Variants in BNIP3L observed in about 807,000 individuals in gnomAD.
BNIP3L encodes BCL2 interacting protein 3 like.
In BNIP3L, 10 loss-of-function variants were observed where a neutral mutation model predicts 25.5. The observed-to-expected ratio is 0.39, with a 90% CI of 0.24 to 0.67. BNIP3L has a LOEUF of 0.67. Ranked by LOEUF, BNIP3L falls within the 30% of genes least tolerant of loss-of-function variation. The pLI, the probability that BNIP3L is intolerant of heterozygous loss-of-function variation, is 0.45. For synonymous variants in BNIP3L, 113 were observed against 101.2 expected (o/e 1.12, Z -0.70); for missense variants, 215 against 270.9 (o/e 0.79, Z 1.45).
intron 3 of BNIP3L, among the ~76,000 whole-genome samples, chr8:26,399,898 C>T (rs1363724750): frequency 7.1e-6 from 1 of 140,854 alleles, no homozygotes; most frequent in Non-Finnish European, 1.5e-5. Flanking sequence ...CAAACCACTG[C>T]TCAAGGAAAT....
intron 1 of BNIP3L, among the ~76,000 whole-genome samples, chr8:26,385,474 G>A (rs558834632): frequency 5.1e-4 from 78 of 152,018 alleles, no homozygotes; most frequent in Non-Finnish European, 9.4e-4. Flanking sequence ...TTGGTGTTGG[G>A]CGCCTGTAAT....
chr8:26,392,104 G>A (rs938023846), intron 2 of BNIP3L, among the ~76,000 whole-genome samples: 7 of 151,094 alleles, frequency 4.6e-5, no homozygotes, highest in Non-Finnish European at 1.0e-4. Flanking sequence ...TGGTGAAAGA[G>A]TAAGAATACA....
At chr8:26,396,459 C>T (rs1459377532) in intron 3 of BNIP3L, among the ~76,000 whole-genome samples, 66 of 111,198 alleles carry the variant, frequency 5.9e-4, no homozygotes, top group Non-Finnish European at 1.1e-3. Context: ...ACATCCACAC[C>T]GAAAACCCAT....
chr8:26,394,913 C>T (rs1200887336), intron 2 of BNIP3L, among the ~76,000 whole-genome samples: 2 of 152,096 alleles, frequency 1.3e-5, no homozygotes, highest in Non-Finnish European at 2.9e-5. Flanking sequence ...ATTATTTTAC[C>T]TTTAGTGGAC....
chr8:26,387,743 A>G (rs1007321660), intron 1 of BNIP3L, among the ~76,000 whole-genome samples: 44 of 152,080 alleles, frequency 2.9e-4, no homozygotes, highest in African/African-American at 1.1e-3. Flanking sequence ...AAAGAGAATT[A>G]CCCTTAATTA....
chr8:26,397,915 G>A (rs1371480412), intron 3 of BNIP3L, among the ~76,000 whole-genome samples: 6 of 31,566 alleles, frequency 1.9e-4, no homozygotes, highest in African/African-American at 4.0e-4. Flanking sequence ...TTCAACAAGA[G>A]GAGCTAACTA....
chr8:26,392,436 ATTAC>A, intron 2 of BNIP3L, among the ~76,000 whole-genome samples: 1 of 152,254 alleles, frequency 6.6e-6, no homozygotes, highest in East Asian at 1.9e-4. Flanking sequence ...TGCACATATT[ATTAC>A]TTATCAGAAG....
chr8:26,401,960 G>A (rs1480060406), intron 3 of BNIP3L, among the ~76,000 whole-genome samples: 1 of 152,102 alleles, frequency 6.6e-6, no homozygotes, highest in Non-Finnish European at 1.5e-5. Context: ...CTTGAGGACG[G>A]GAACCATTAT....
chr8:26,383,552 T>TG (rs1237300077), intron 1 of BNIP3L: 2 of 5,296 alleles, frequency 3.8e-4, no homozygotes, highest in East Asian at 5.8e-3. Context: ...GGGGCGGGCC[T>TG]GGGGGGCGGG....
At chr8:26,397,742 G>C (rs1269948569) in intron 3 of BNIP3L, among the ~76,000 whole-genome samples, 1 of 57,982 alleles carries the variant, frequency 1.7e-5, no homozygotes, top group Non-Finnish European at 3.5e-5. Context: ...CACGTGCAGA[G>C]ACACACATAG....
intron 3 of BNIP3L, among the ~76,000 whole-genome samples, chr8:26,401,970 T>A (rs975194908): frequency 1.3e-5 from 2 of 152,214 alleles, no homozygotes; most frequent in African/African-American, 4.8e-5. Flanking sequence ...GGAACCATTA[T>A]CTTTTTCTCC....
intron 1 of BNIP3L, 91 bp downstream of exon 1, chr8:26,383,321 G>C (rs1307433011): frequency 6.6e-7 from 1 of 1,525,640 alleles, no homozygotes; most frequent in South Asian, 1.2e-5. Context: ...GGCGGGAGGA[G>C]AAGGCAGCTC....
chr8:26,398,736 TAAAG>T (rs1209596855), intron 3 of BNIP3L, among the ~76,000 whole-genome samples: 1 of 95,684 alleles, frequency 1.0e-5, no homozygotes, highest in African/African-American at 4.3e-5. Context: ...GCAAGACTAA[TAAAG>T]AAAAAAAGAG....
At chr8:26,391,622 C>T (rs1806114173) in intron 2 of BNIP3L, among the ~76,000 whole-genome samples, 196 bp downstream of exon 2, 2 of 152,188 alleles carry the variant, frequency 1.3e-5, no homozygotes, top group African/African-American at 4.8e-5. Context: ...TCAGTGCCCA[C>T]TGTTTTTCCC....
chr8:26,390,580 A>C (rs1230589804), intron 1 of BNIP3L: 1 of 972,534 alleles, frequency 1.0e-6, no homozygotes, highest in Non-Finnish European at 1.2e-6. Flanking sequence ...GAAATGAAGA[A>C]ACTAATCAGT....
chr8:26,395,113 T>C, intron 2 of BNIP3L, 117 bp from the exon 3 acceptor site: 2 of 956,214 alleles, frequency 2.1e-6, no homozygotes, highest in South Asian at 3.5e-5. Flanking sequence ...ATATATTCTC[T>C]GATTTGCTTT....
At chr8:26,389,273 A>AT (rs1340238016) in intron 1 of BNIP3L, among the ~76,000 whole-genome samples, 1 of 152,140 alleles carries the variant, frequency 6.6e-6, no homozygotes, top group Non-Finnish European at 1.5e-5. Flanking sequence ...AGAAAAAAAA[A>AT]CTGTTTTTAT....
intron 1 of BNIP3L, among the ~76,000 whole-genome samples, chr8:26,389,007 G>A (rs1380116869): frequency 1.3e-5 from 2 of 151,982 alleles, no homozygotes; most frequent in African/African-American, 2.4e-5. Context: ...CAAAAGTAAG[G>A]ACCAGAAAAC....
At chr8:26,390,460 G>C (rs1207877923) in intron 1 of BNIP3L, 1 of 985,024 alleles carries the variant, frequency 1.0e-6, no homozygotes, top group Non-Finnish European at 1.2e-6. Flanking sequence ...AGGGTTTAAT[G>C]AAAACCCTAG....
Sources: gnomAD v4.1 joint callset for allele counts (sites outside exome capture counted in the v4.1 genomes callset) on GRCh38, gnomAD v4.1.1 for gene constraint, MANE v1.5 for transcripts, NCBI Gene and HGNC (gene_info 2026-07-23, HGNC 2026-07-21) for gene names.